The following CLIP1 variants were observed in gnomAD, a reference collection of about 807,000 sequenced individuals.
CLIP1 encodes CAP-Gly domain containing linker protein 1.
In CLIP1, 66 loss-of-function variants were observed where a neutral mutation model predicts 161.6. The observed-to-expected ratio is 0.41, with a 90% CI of 0.33 to 0.50. The LOEUF (loss-of-function observed/expected upper bound fraction) is 0.50, where lower values mean the gene tolerates loss of function less well. Ranked by LOEUF, CLIP1 falls within the 20% of genes least tolerant of loss-of-function variation. The probability of loss-of-function intolerance (pLI) is 0.27; values close to 1 mark genes in which losing one functional copy is unlikely to be tolerated. For missense variants in CLIP1, 1,376 were observed against 1,702.0 expected (o/e 0.81, Z 3.37); for synonymous variants, 598 against 626.2 (o/e 0.96, Z 0.67).
intron 20 of CLIP1, among the ~76,000 whole-genome samples, chr12:122,290,703 T>C (rs1438109530): frequency 6.6e-6 from 1 of 152,146 alleles, no homozygotes; most frequent in Non-Finnish European, 1.5e-5. Context: ...TCCCTCTTTC[T>C]TAGAGGGTCC....
rs1956102056 is a variant in CLIP1 at position 122,400,395 on chromosome 12, C to T, written c.-106-19837G>A. The T allele has an allele frequency of 2.0e-5, 3 of 152,234 alleles. No individual in the cohort carries two copies. In the South Asian group the frequency reaches 6.2e-4, roughly 32 times the overall value. The allele number at this position is 152,234 out of a possible 1,614,324, so 9.4% of individuals were successfully genotyped here. A position where few individuals can be genotyped will look rare whatever the true frequency, so the allele number is the denominator to read the frequency against. On this transcript the variant is annotated intron_variant, in intron 1 of 25. Coordinates refer to ENST00000620786, the MANE Select transcript of CLIP1 (RefSeq NM_001247997.2). ...GCCCCAATTTAAAAACATCACATCT[C>T]CTGGCTGAACTGAGCTTAAGGTCCT...
At chr12:122,336,778 C>T in intron 11 of CLIP1, 30 bp from the exon 12 acceptor site, 2 of 916,114 alleles carry the variant, frequency 2.2e-6, no homozygotes, top group Non-Finnish European at 3.2e-6. Context: ...GGTATAGAAG[C>T]AAATGAACAA....
intron 15 of CLIP1, among the ~76,000 whole-genome samples, chr12:122,330,599 T>TTTG (rs1351455735): frequency 6.7e-5 from 9 of 134,582 alleles, no homozygotes; most frequent in African/African-American, 2.7e-4. Context: ...ATAATGCAGT[T>TTTG]TTTTTTTTTT....
chr12:122,296,230 GA>G (rs1186670897), intron 20 of CLIP1, among the ~76,000 whole-genome samples: 1 of 152,192 alleles, frequency 6.6e-6, no homozygotes, highest in Non-Finnish European at 1.5e-5. Flanking sequence ...AGGAGGATAA[GA>G]GAACCTTTTG....
rs754685818 is a variant in CLIP1 at position 122,351,053 on chromosome 12, A to G, written c.1401+58T>C. ...TTTGAGTATATCAATAAGCATTTTA[A>G]TCTGTGATCAATCTTTGTTAACAAG... On this transcript the variant is annotated intron_variant, in intron 9 of 25. Coordinates refer to ENST00000620786, the MANE Select transcript of CLIP1 (RefSeq NM_001247997.2). 2.2e-5 allele frequency: 28 copies of G among 1,287,966 alleles called. No individual in the cohort carries two copies. The African/African-American group carries it at 4.1e-4, about 19-fold the overall frequency. 79.8% of individuals were successfully genotyped at this position (1,287,966 alleles called of 1,614,324 possible).
chr12:122,422,333 C>T (rs1216295894), intron 1 of CLIP1, among the ~76,000 whole-genome samples, 188 bp downstream of exon 1: 3 of 151,674 alleles, frequency 2.0e-5, no homozygotes, highest in African/African-American at 7.2e-5. Flanking sequence ...CCCCGGCCTC[C>T]GGCGCCGGCC....
intron 8 of CLIP1, among the ~76,000 whole-genome samples, chr12:122,352,505 G>A (rs545077502): frequency 6.6e-6 from 1 of 152,256 alleles, no homozygotes; most frequent in East Asian, 1.9e-4. Flanking sequence ...GCATTTTGAA[G>A]CATGAGAAAG....
At chr12:122,309,138 G>A (rs1010893483) in intron 20 of CLIP1, among the ~76,000 whole-genome samples, 3 of 152,224 alleles carry the variant, frequency 2.0e-5, no homozygotes, top group Non-Finnish European at 4.4e-5. Context: ...TTGTTGCCAT[G>A]TTTAATCAAC....
intron 20 of CLIP1, among the ~76,000 whole-genome samples, chr12:122,298,143 C>CTT (rs1408669968): frequency 3.9e-5 from 6 of 152,188 alleles, no homozygotes; most frequent in Non-Finnish European, 8.8e-5. Context: ...CGAGAGCATA[C>CTT]TTCGGTAAGT....
At chr12:122,347,225 A>G in intron 10 of CLIP1, 150 bp downstream of exon 10, 1 of 535,860 alleles carries the variant, frequency 1.9e-6, no homozygotes, top group African/African-American at 1.8e-5. Context: ...CCTACTCATC[A>G]GTCTCAGCTC....
intron 24 of CLIP1, chr12:122,274,411 C>G: frequency 2.9e-6 from 1 of 341,348 alleles, no homozygotes; most frequent in Non-Finnish European, 5.5e-6. Context: ...TTTACCCCCT[C>G]ACACCTTTCA....
At chr12:122,390,304 G>GTA (rs1214497438) in intron 1 of CLIP1, among the ~76,000 whole-genome samples, 13,450 of 87,896 alleles carry the variant, frequency 0.15, 1,062 homozygotes, top group East Asian at 0.4. Context: ...ATATATATAT[G>GTA]TATATATATA....
intron 19 of CLIP1, among the ~76,000 whole-genome samples, chr12:122,314,019 G>A (rs934294364): frequency 1.2e-4 from 18 of 152,174 alleles, no homozygotes; most frequent in African/African-American, 4.1e-4. Context: ...ATGGCCAGGC[G>A]CAGTGGCTCA....
At chr12:122,273,247 TA>T in intron 25 of CLIP1, 147 bp from the exon 26 acceptor site, 1 of 638,512 alleles carries the variant, frequency 1.6e-6, no homozygotes, top group East Asian at 2.8e-5. Flanking sequence ...ATCCCACATT[TA>T]AAGTATTTTT....
chr12:122,284,544 G>A (rs969093696), intron 21 of CLIP1, among the ~76,000 whole-genome samples: 1 of 151,966 alleles, frequency 6.6e-6, no homozygotes, highest in Non-Finnish European at 1.5e-5. Flanking sequence ...TAGAGACGGG[G>A]TTTCACCATG....
chr12:122,324,593 C>G (rs1951638137), intron 17 of CLIP1, among the ~76,000 whole-genome samples: 1 of 152,164 alleles, frequency 6.6e-6, no homozygotes, highest in Admixed American at 6.6e-5. Flanking sequence ...GCTTCTGTAT[C>G]TGTTAGCTTA....
rs560414994 is a variant in CLIP1 at position 122,389,464 on chromosome 12, A to C, written c.-106-8906T>G. Among the ~76,000 whole-genome samples the C allele has an allele frequency of 3.3e-5, 5 of 152,308 alleles. No individual in the cohort carries two copies. In the South Asian group the frequency reaches 1.0e-3, roughly 32 times the overall value. ...CTATATGACAGACATCTAAGCCCAA[A>C]GAATTTATAAAGGGCCGGGTGCGGT... On this transcript the variant is annotated intron_variant, in intron 1 of 25. Transcript: ENST00000620786.
Position 122,375,644 on chromosome 12 carries a change from C to T in CLIP1, c.657+1745G>A, listed in dbSNP as rs1022988428. On this transcript the variant is annotated intron_variant, in intron 3 of 25. Coordinates refer to ENST00000620786, the MANE Select transcript of CLIP1 (RefSeq NM_001247997.2). ...GGCCCAGAAATTCTTGAGTAACATC[C>T]TCTGATGCCTTGAGTTTTCCAAGCC... Among the ~76,000 whole-genome samples the T allele has an allele frequency of 3.0e-4, 46 of 152,180 alleles. 1 individual carries two copies. Among genetic ancestry groups the T allele is most frequent in the Admixed American group, 1.6e-3 (25 of 15,266 alleles).
At chr12:122,324,877 A>G (rs1460144811) in intron 17 of CLIP1, among the ~76,000 whole-genome samples, 2 of 152,174 alleles carry the variant, frequency 1.3e-5, no homozygotes, top group Admixed American at 6.6e-5. Context: ...ACTTAAGGGT[A>G]GCTGAGGGGC....
Sources: allele counts gnomAD v4.1 joint callset (sites outside exome capture counted in the v4.1 genomes callset), GRCh38; gene constraint gnomAD v4.1.1; transcripts MANE v1.5; gene names NCBI Gene and HGNC (gene_info 2026-07-23, HGNC 2026-07-21).